Variants in ATP2B3 observed in about 807,000 individuals in gnomAD.
ATP2B3 encodes plasma membrane calcium-transporting ATPase 3.
Under a neutral mutation model 70.8 loss-of-function variants are expected in ATP2B3, and 12 were observed. The ratio of observed to expected loss-of-function variants is 0.17; its 90% CI spans 0.11 to 0.27. The LOEUF (loss-of-function observed/expected upper bound fraction) is 0.27. Among genes scored for constraint, ATP2B3 ranks in the 10% least tolerant of loss-of-function variants. The probability of loss-of-function intolerance (pLI) is 1.00; values close to 1 mark genes in which losing one functional copy is unlikely to be tolerated. For synonymous variants in ATP2B3, 460 were observed against 497.8 expected, an observed-to-expected ratio of 0.92 and a Z score of 1.01; for missense variants, 858 against 1,118.5, an observed-to-expected ratio of 0.77 and a Z score of 3.32.
chrX:153,539,957 T>A (rs1200011872), intron 3 of ATP2B3, among the ~76,000 whole-genome samples: 1 of 112,715 alleles, frequency 8.9e-6, no homozygotes, highest in African/African-American at 3.2e-5. Context: ...TGGCTCTGAT[T>A]GTGAAGGCAA....
chrX:153,573,778 A>G (rs1557020595), intron 21 of ATP2B3, among the ~76,000 whole-genome samples: 1 of 112,451 alleles, frequency 8.9e-6, no homozygotes, highest in African/African-American at 3.2e-5. Flanking sequence ...GGTCCTCTTT[A>G]GTCCGACCAC....
In ATP2B3 at chrX:153,562,293, G is replaced by A. The variant is rs372601719; in HGVS notation, c.3159+51G>A. 5.5e-6 allele frequency: 6 copies of A among 1,100,026 alleles called. No individual in the cohort carries two copies. In the African/African-American group the frequency reaches 9.0e-5, roughly 17 times the overall value. 90.7% of individuals were successfully genotyped at this position (1,100,026 alleles called of 1,213,427 possible). On this transcript the variant is annotated intron_variant, in intron 20 of 21. Coordinates refer to ENST00000263519, the MANE Select transcript of ATP2B3 (RefSeq NM_001001344.3). ...TCAGACTGCCCTGCAGACAGCTTCT[G>A]TGATGGGCCCACTTGCCCTAACCCT...
intron 7 of ATP2B3, among the ~76,000 whole-genome samples, chrX:153,543,871 A>T: frequency 9.2e-6 from 1 of 108,265 alleles, no homozygotes; most frequent in Non-Finnish European, 1.9e-5. Context: ...GTAGGGAGCC[A>T]CACCCGCATG....
At chrX:153,558,921 C>A (rs2090582579) in intron 17 of ATP2B3, among the ~76,000 whole-genome samples, 1 of 111,463 alleles carries the variant, frequency 9.0e-6, no homozygotes, top group Admixed American at 9.5e-5. Context: ...CCATGGGAAC[C>A]CTTTCTCAAC....
chrX:153,541,576 G>C lies in ATP2B3; in HGVS notation c.406+20G>C. 8.3e-7 allele frequency: 1 copy of C among 1,210,362 alleles called. No individual in the cohort carries two copies. Among genetic ancestry groups the C allele is most frequent in the Non-Finnish European group, 1.1e-6 (1 of 894,755 alleles). The stretch of plus-strand genomic sequence containing the variant: ...GTGAAGGTAAGGCCCGGGGGCCTGG[G>C]CTGGAAGGAGGAAGAGGAATGGGGC... On this transcript the variant is annotated intron_variant, in intron 4 of 21. Transcript: ENST00000263519.
At chrX:153,539,232 C>G (rs1407540604) in intron 3 of ATP2B3, among the ~76,000 whole-genome samples, 1 of 112,628 alleles carries the variant, frequency 8.9e-6, no homozygotes, top group Non-Finnish European at 1.9e-5. Flanking sequence ...CCCCAGCCCC[C>G]TCCCCACCAC....
intron 21 of ATP2B3, chrX:153,574,944 C>T: frequency 3.3e-6 from 1 of 304,438 alleles, no homozygotes; most frequent in South Asian, 2.9e-5. Context: ...ACTGCTCATC[C>T]ACGCAAGTCG....
chrX:153,529,533 G>A (rs973509955), intron 2 of ATP2B3, among the ~76,000 whole-genome samples: 2 of 112,144 alleles, frequency 1.8e-5, no homozygotes, highest in Non-Finnish European at 3.8e-5. Flanking sequence ...TGGCTGGTGG[G>A]GGCTGCTTGC....
intron 21 of ATP2B3, among the ~76,000 whole-genome samples, chrX:153,577,183 T>C (rs889138488): frequency 1.2e-4 from 14 of 112,968 alleles, no homozygotes; most frequent in African/African-American, 3.9e-4. Context: ...ACAAGGCAGA[T>C]GCCATCCGGG....
intron 2 of ATP2B3, among the ~76,000 whole-genome samples, chrX:153,520,299 C>A (rs2089940848): frequency 8.9e-6 from 1 of 112,627 alleles, no homozygotes; most frequent in African/African-American, 3.2e-5. Flanking sequence ...TGAGGGCGCC[C>A]CAGAGCCCCA....
At chrX:153,539,830 G>A (rs1557005599) in intron 3 of ATP2B3, among the ~76,000 whole-genome samples, 2 of 113,156 alleles carry the variant, frequency 1.8e-5, no homozygotes, top group African/African-American at 6.4e-5. Flanking sequence ...GTGGCTGAGT[G>A]GGTGTCCAGG....
At chrX:153,523,856 C>T (rs1157664342) in intron 2 of ATP2B3, among the ~76,000 whole-genome samples, 3 of 109,609 alleles carry the variant, frequency 2.7e-5, no homozygotes, top group Non-Finnish European at 5.7e-5. Context: ...CCACCACACC[C>T]GGCTAATTTT....
At chrX:153,560,439 A>G (rs1186820430) in intron 18 of ATP2B3, among the ~76,000 whole-genome samples, 10 of 111,155 alleles carry the variant, frequency 9.0e-5, no homozygotes, top group Non-Finnish European at 1.9e-4. Flanking sequence ...TCCCTTCTTA[A>G]TCTCTTCCTT....
rs1298736676 is a variant in ATP2B3 at position 153,581,139 on chromosome X, A to G, written c.*841A>G. The G allele has an allele frequency of 9.6e-5, 10 of 104,023 alleles. No individual in the cohort carries two copies. Among genetic ancestry groups the G allele is most frequent in the African/African-American group, 3.2e-4 (9 of 27,859 alleles). The allele number at this position is 104,023 out of a possible 1,213,427, so 8.6% of individuals were successfully genotyped here. A position where few individuals can be genotyped will look rare whatever the true frequency, so the allele number is the denominator to read the frequency against. ...GCAAGAATATCTTTCTGGTCAACCC[A>G]TTTTTGTCCCTCATCACCCCGCCCC... On this transcript the variant is annotated 3_prime_UTR_variant, in exon 22 of 22. Coordinates refer to ENST00000263519, the MANE Select transcript of ATP2B3 (RefSeq NM_001001344.3).
intron 21 of ATP2B3, among the ~76,000 whole-genome samples, chrX:153,575,444 G>A (rs2090843596): frequency 8.9e-6 from 1 of 112,669 alleles, no homozygotes; most frequent in African/African-American, 3.2e-5. Flanking sequence ...AGGTCCCCAG[G>A]TGGGATGTGC....
Position 153,548,698 on chromosome X carries a change from G to A in ATP2B3, c.1182G>A (p.Thr394=), listed in dbSNP as rs782157015. The A allele has an allele frequency of 1.2e-5, 15 of 1,211,454 alleles. No individual in the cohort carries two copies. The highest frequency in any genetic ancestry group is 1.8e-5 in the South Asian group (1 of 56,923). ...TGGTCCTCTACTTTGTGATTGAGAC[G>A]TTTGTCGTGGAAGGCCGGACATGGC... ...IILVLYFVIE[T]FVVEGRTWLA... The change falls in exon 10 of 22, where the codon ACG becomes ACA. Residue 394 remains threonine (T), a synonymous_variant. Coordinates refer to ENST00000263519, the MANE Select transcript of ATP2B3 (RefSeq NM_001001344.3).
At chrX:153,563,637 G>A (rs1347457123) in intron 20 of ATP2B3, among the ~76,000 whole-genome samples, 3 of 111,736 alleles carry the variant, frequency 2.7e-5, no homozygotes, top group South Asian at 3.8e-4. Context: ...GCTCCATGGA[G>A]TCCCTTCACT....
chrX:153,557,011 G>A lies in ATP2B3; in HGVS notation c.2421G>A (p.Val807=). 1 of 1,182,759 alleles carries A rather than the reference G, an allele frequency of 8.5e-7. No individual in the cohort carries two copies. Among genetic ancestry groups the A allele is most frequent in the Non-Finnish European group, 1.1e-6 (1 of 880,549 alleles). The stretch of plus-strand genomic sequence containing the variant: ...GGCCGGCCCTCAAGAAGGCGGACGT[G>A]GGCTTCGCCATGGTAAGCCACCTGG... The part of the protein sequence containing the change: ...NDGPALKKAD[V]GFAMGIAGTD... The change falls in exon 16 of 22, where the codon GTG becomes GTA. Residue 807 remains valine (V), a synonymous_variant. Transcript: ENST00000263519.
chrX:153,542,485 G>T (rs928921030), intron 6 of ATP2B3, 37 bp downstream of exon 6: 4 of 1,201,046 alleles, frequency 3.3e-6, no homozygotes, highest in Middle Eastern at 4.6e-4. Context: ...GGCACCAAGG[G>T]GCGTCAGCAG....
Sources: gnomAD v4.1 joint callset for allele counts (sites outside exome capture counted in the v4.1 genomes callset) on GRCh38, gnomAD v4.1.1 for gene constraint, MANE v1.5 for transcripts, NCBI Gene and HGNC (gene_info 2026-07-23, HGNC 2026-07-21) for gene names.